IQCK: variants seen among roughly 807,000 people sequenced by gnomAD.
The protein encoded by IQCK is IQ domain-containing protein K.
Under a neutral mutation model 28.1 loss-of-function variants are expected in IQCK, and 29 were observed. The ratio of observed to expected loss-of-function variants is 1.03; its 90% CI spans 0.77 to 1.41. IQCK has a LOEUF of 1.41. Ranked by LOEUF, IQCK falls within the 40% of genes most tolerant of loss-of-function variation. IQCK has a pLI of 0.00. For synonymous variants in IQCK, 113 were observed against 115.1 expected (o/e 0.98, Z 0.12); for missense variants, 359 against 314.7 (o/e 1.14, Z -1.07).
chr16:19,746,652 G>A (rs1452979496), intron 4 of IQCK, among the ~76,000 whole-genome samples: 2 of 152,166 alleles, frequency 1.3e-5, no homozygotes, highest in Non-Finnish European at 2.9e-5. Context: ...TTGGCTACGA[G>A]TTGCTTTTGT....
At chr16:19,722,861 C>T (rs191413260) in intron 1 of IQCK, among the ~76,000 whole-genome samples, 9 of 152,256 alleles carry the variant, frequency 5.9e-5, no homozygotes, top group South Asian at 4.1e-4. Flanking sequence ...GGATTACAGG[C>T]ACTTGACACC....
At chr16:19,776,887 C>T (rs986455562) in intron 6 of IQCK, among the ~76,000 whole-genome samples, 1 of 152,148 alleles carries the variant, frequency 6.6e-6, no homozygotes, top group Admixed American at 6.5e-5. Flanking sequence ...CGTGACTCAA[C>T]CAGCCAATCA....
intron 4 of IQCK, among the ~76,000 whole-genome samples, chr16:19,752,416 G>A (rs918289016): frequency 2.0e-5 from 3 of 152,186 alleles, no homozygotes; most frequent in Admixed American, 6.5e-5. Flanking sequence ...AAACTCAAAT[G>A]AGTTTGTTTC....
At chr16:19,750,498 G>C (rs1009090944) in intron 4 of IQCK, among the ~76,000 whole-genome samples, 2 of 151,128 alleles carry the variant, frequency 1.3e-5, no homozygotes, top group Admixed American at 1.3e-4. Context: ...GTCTTGCTCT[G>C]TCACCCAGGC....
chr16:19,803,798 G>A (rs527292914), intron 7 of IQCK, among the ~76,000 whole-genome samples: 1 of 152,176 alleles, frequency 6.6e-6, no homozygotes, highest in East Asian at 1.9e-4. Flanking sequence ...GGCTACAGTT[G>A]TACACCACCA....
At chr16:19,773,907 C>T (rs2055352309) in intron 6 of IQCK, among the ~76,000 whole-genome samples, 1 of 152,174 alleles carries the variant, frequency 6.6e-6, no homozygotes, top group Non-Finnish European at 1.5e-5. Flanking sequence ...CAGTGATGAA[C>T]CATTCTAAGA....
chr16:19,738,248 A>C (rs1485106971), intron 4 of IQCK, among the ~76,000 whole-genome samples: 1 of 152,162 alleles, frequency 6.6e-6, no homozygotes, highest in Non-Finnish European at 1.5e-5. Flanking sequence ...CACTATTACT[A>C]TGTCTTTGAC....
At chr16:19,852,859 T>C (rs2056502610) in intron 9 of IQCK, among the ~76,000 whole-genome samples, 1 of 152,152 alleles carries the variant, frequency 6.6e-6, no homozygotes, top group African/African-American at 2.4e-5. Context: ...CCTGATCTCG[T>C]GATCTGCCCG....
exon 10 of IQCK, chr16:19,856,956 T>G (rs1486847764): frequency 5.8e-6 from 1 of 171,072 alleles, no homozygotes; most frequent in Non-Finnish European, 1.2e-5. Context: ...TGAATTTGGT[T>G]TTAAGTTTAC....
intron 7 of IQCK, among the ~76,000 whole-genome samples, chr16:19,818,373 C>A (rs1010801621): frequency 2.0e-5 from 3 of 152,044 alleles, no homozygotes; most frequent in Admixed American, 6.6e-5. Context: ...TGTGTATACA[C>A]ATATATAACG....
At chr16:19,786,350 T>C (rs1219688705) in intron 6 of IQCK, among the ~76,000 whole-genome samples, 1 of 151,322 alleles carries the variant, frequency 6.6e-6, no homozygotes, top group East Asian at 1.9e-4. Flanking sequence ...GGCCAAGAGT[T>C]GGAGACCACA....
intron 6 of IQCK, among the ~76,000 whole-genome samples, chr16:19,767,665 G>C (rs1482310540): frequency 1.3e-5 from 2 of 152,116 alleles, no homozygotes; most frequent in Non-Finnish European, 2.9e-5. Flanking sequence ...TATATGCCCA[G>C]GACGGGGGGT....
At chr16:19,839,956 A>C (rs1472687006) in intron 9 of IQCK, among the ~76,000 whole-genome samples, 1 of 152,010 alleles carries the variant, frequency 6.6e-6, no homozygotes, top group African/African-American at 2.4e-5. Context: ...TGGTTGTGCC[A>C]CTGCACTCCA....
chr16:19,856,451 A>G (rs1234120887), intron 9 of IQCK, 36 bp from the exon 9 acceptor site: 2 of 1,586,362 alleles, frequency 1.3e-6, no homozygotes, highest in African/African-American at 2.7e-5. Context: ...CTACGTATGT[A>G]AATTGATCCT....
At chr16:19,750,431 T>C (rs1209968615) in intron 4 of IQCK, among the ~76,000 whole-genome samples, 1 of 148,144 alleles carries the variant, frequency 6.8e-6, no homozygotes, top group Non-Finnish European at 1.5e-5. Flanking sequence ...CTGGCCTAAG[T>C]TAATGAGAAT....
At chr16:19,805,754 A>C (rs1229835827) in intron 7 of IQCK, among the ~76,000 whole-genome samples, 1 of 152,218 alleles carries the variant, frequency 6.6e-6, no homozygotes, top group East Asian at 1.9e-4. Flanking sequence ...TGCAGTAAAG[A>C]AAGAGTTTAA....
intron 3 of IQCK, among the ~76,000 whole-genome samples, chr16:19,735,102 C>T (rs1468535569): frequency 6.6e-6 from 1 of 152,102 alleles, no homozygotes; most frequent in Non-Finnish European, 1.5e-5. Flanking sequence ...GCTTTGGGGC[C>T]ATAACAAGCT....
intron 7 of IQCK, among the ~76,000 whole-genome samples, chr16:19,802,940 TA>T (rs752948040): frequency 4.1e-4 from 63 of 152,306 alleles, no homozygotes; most frequent in Non-Finnish European, 7.4e-4. Flanking sequence ...ATACGACTTT[TA>T]CGTAAGACTC....
chr16:19,827,721 A>G (rs1220276570), downstream of IQCK, among the ~76,000 whole-genome samples: 1 of 152,146 alleles, frequency 6.6e-6, no homozygotes, highest in Non-Finnish European at 1.5e-5. Context: ...AAAATGGTGG[A>G]GGAAGGTTGC....
Sources: allele counts gnomAD v4.1 joint callset (sites outside exome capture counted in the v4.1 genomes callset), GRCh38; gene constraint gnomAD v4.1.1; transcripts MANE v1.5; gene names NCBI Gene and HGNC (gene_info 2026-07-23, HGNC 2026-07-21).